Variants in CSMD3 observed in about 807,000 individuals in gnomAD.
The protein encoded by CSMD3 is CUB and sushi domain-containing protein 3.
Under a neutral mutation model 435.2 loss-of-function variants are expected in CSMD3, and 177 were observed. The observed-to-expected ratio is 0.41, with a 90% CI of 0.36 to 0.46. CSMD3 has a LOEUF of 0.46. Among genes scored for constraint, CSMD3 ranks in the 20% least tolerant of loss-of-function variants. The pLI is 0.34. For missense variants in CSMD3, 4,265 were observed against 4,504.6 expected, an observed-to-expected ratio of 0.95 and a Z score of 1.52; for synonymous variants, 1,656 against 1,520.5, an observed-to-expected ratio of 1.09 and a Z score of -2.07.
chr8:112,312,036 C>T (rs531455544), intron 49 of CSMD3, among the ~76,000 whole-genome samples: 50 of 152,104 alleles, frequency 3.3e-4, no homozygotes, highest in Admixed American at 7.2e-4. Context: ...ATAATAAGAA[C>T]AAGGATTGGT....
chr8:112,351,668 T>C (rs1758409399), intron 39 of CSMD3, among the ~76,000 whole-genome samples: 1 of 151,968 alleles, frequency 6.6e-6, no homozygotes, highest in Non-Finnish European at 1.5e-5. Context: ...TCAAAGTATA[T>C]TAACTTTTAT....
intron 27 of CSMD3, among the ~76,000 whole-genome samples, chr8:112,532,652 T>C (rs1825650344): frequency 1.3e-5 from 2 of 152,024 alleles, no homozygotes; most frequent in African/African-American, 4.8e-5. Context: ...ACAAACAAAG[T>C]TAAGAGTCTT....
chr8:112,699,331 C>G (rs747873591), intron 13 of CSMD3, among the ~76,000 whole-genome samples: 2 of 152,140 alleles, frequency 1.3e-5, no homozygotes, highest in Non-Finnish European at 2.9e-5. Context: ...AAACTCCAAA[C>G]ACACCATCTT....
intron 1 of CSMD3, among the ~76,000 whole-genome samples, chr8:113,343,980 T>C (rs568709882): frequency 6.6e-6 from 1 of 152,138 alleles, no homozygotes; most frequent in Non-Finnish European, 1.5e-5. Context: ...TACTGTAAAT[T>C]TATATTTAAA....
At chr8:112,671,110 G>A (rs2075645418) in intron 16 of CSMD3, among the ~76,000 whole-genome samples, 1 of 152,060 alleles carries the variant, frequency 6.6e-6, no homozygotes, top group Admixed American at 6.6e-5. Context: ...CTAGGTTTTA[G>A]TGGAAAAATA....
intron 38 of CSMD3, among the ~76,000 whole-genome samples, chr8:112,365,174 CA>C (rs1192596918): frequency 1.3e-5 from 2 of 152,126 alleles, no homozygotes; most frequent in South Asian, 2.1e-4. Context: ...CTATGTCTCC[CA>C]AAGTTGCCAA....
rs1344054794 is a variant in CSMD3 at position 113,195,814 on chromosome 8, T to TATAC, written c.515-21899_515-21898insGTAT. ...TTTTATATATATATATATATATATA[T>TATAC]ACACACACACACACACACACACACA... On this transcript the variant is annotated intron_variant, in intron 3 of 70. Coordinates refer to ENST00000297405, the MANE Select transcript of CSMD3 (RefSeq NM_198123.2). Among the ~76,000 whole-genome samples, 957 of 133,360 alleles carry TATAC rather than the reference T, an allele frequency of 7.2e-3. 8 individuals are homozygous for TATAC. Among genetic ancestry groups the TATAC allele is most frequent in the East Asian group, 0.028 (134 of 4,766 alleles). The allele number at this position is 133,360 out of a possible 152,430, so 87.5% of individuals were successfully genotyped here.
chr8:113,410,933 G>A (rs75080271), intron 1 of CSMD3, among the ~76,000 whole-genome samples: 18 of 135,290 alleles, frequency 1.3e-4, no homozygotes, highest in African/African-American at 4.8e-4. Flanking sequence ...AAGAAAGAAA[G>A]AAAGAAAGAA....
intron 59 of CSMD3, 88 bp downstream of exon 59, chr8:112,281,086 T>C: frequency 9.8e-7 from 1 of 1,021,178 alleles, no homozygotes; most frequent in Non-Finnish European, 1.5e-6. Context: ...TACATGGTTT[T>C]ATTAATTACA....
chr8:112,836,115 G>A (rs962249262), intron 11 of CSMD3, among the ~76,000 whole-genome samples: 4 of 151,850 alleles, frequency 2.6e-5, no homozygotes, highest in Admixed American at 6.6e-5. Flanking sequence ...AGAAGCCAGT[G>A]TATCACTTAG....
intron 10 of CSMD3, among the ~76,000 whole-genome samples, chr8:112,876,112 C>G (rs1375616248): frequency 6.6e-6 from 1 of 151,916 alleles, no homozygotes; most frequent in East Asian, 1.9e-4. Context: ...CACATACACC[C>G]TCTTAAAATA....
Position 112,318,865 on chromosome 8 carries a change from C to T in CSMD3, c.7332G>A (p.Gln2444=), listed in dbSNP as rs1215589843. ...ILTCRLGERL[Q]MDGAPPVCQV... ...GACAAACTGGAGGTGCTCCATCCATCTGCAGTCGTTCTCCTAATCTGCACG... is the reference window on the plus strand; with the variant it reads ...GACAAACTGGAGGTGCTCCATCCATTTGCAGTCGTTCTCCTAATCTGCACG... The change falls in exon 47 of 71, where the codon CAG becomes CAA. Residue 2444 remains glutamine (Q), a synonymous_variant. Transcript: ENST00000297405. 6.2e-7 allele frequency: 1 copy of T among 1,612,296 alleles called. No individual in the cohort carries two copies. Among genetic ancestry groups the T allele is most frequent in the Non-Finnish European group, 8.5e-7 (1 of 1,179,104 alleles).
intron 1 of CSMD3, among the ~76,000 whole-genome samples, chr8:113,395,798 T>A (rs1199881069): frequency 2.0e-5 from 3 of 152,200 alleles, no homozygotes; most frequent in African/African-American, 7.2e-5. Flanking sequence ...GTACCTTTGC[T>A]AAATAAACGT....
At chr8:112,988,260 C>A (rs2085326038) in intron 6 of CSMD3, among the ~76,000 whole-genome samples, 1 of 152,020 alleles carries the variant, frequency 6.6e-6, no homozygotes, top group Non-Finnish European at 1.5e-5. Flanking sequence ...ATGATAGGGG[C>A]TTTCAAATGT....
At chr8:113,192,656 T>C (rs2092602344) in intron 3 of CSMD3, among the ~76,000 whole-genome samples, 1 of 151,628 alleles carries the variant, frequency 6.6e-6, no homozygotes, top group Non-Finnish European at 1.5e-5. Flanking sequence ...TATCGAGTAT[T>C]TCATATACAT....
chr8:112,426,723 A>G (rs903317944), intron 32 of CSMD3, among the ~76,000 whole-genome samples: 1 of 152,162 alleles, frequency 6.6e-6, no homozygotes, highest in African/African-American at 2.4e-5. Flanking sequence ...TTATTGCACT[A>G]TTTTGAAATT....
Position 113,170,768 on chromosome 8 carries a change from T to C in CSMD3, c.709+2954A>G, listed in dbSNP as rs554650238. 2.6e-5 allele frequency among the ~76,000 whole-genome samples: 4 copies of C among 152,220 alleles called. No individual in the cohort carries two copies. In the South Asian group the frequency reaches 6.2e-4, roughly 24 times the overall value. On this transcript the variant is annotated intron_variant, in intron 4 of 70. Transcript: ENST00000297405. Reference sequence around the variant, plus strand: ...TTGCAGAAGGAAGGCCCTTAATAAATACATACAAATCAGTAAATTTATTCA... The same window carrying C: ...TTGCAGAAGGAAGGCCCTTAATAAACACATACAAATCAGTAAATTTATTCA...
chr8:112,232,034 T>C (rs1813136078), intron 68 of CSMD3, among the ~76,000 whole-genome samples: 1 of 152,198 alleles, frequency 6.6e-6, no homozygotes, highest in Admixed American at 6.5e-5. Context: ...CTCATTTAGT[T>C]GGGCTTGGTC....
chr8:113,138,280 T>C (rs1175581234), intron 4 of CSMD3, among the ~76,000 whole-genome samples: 2 of 151,390 alleles, frequency 1.3e-5, no homozygotes, highest in Non-Finnish European at 3.0e-5. Context: ...TATTTGAGGG[T>C]CAGTGTCACT....
Sources: allele counts gnomAD v4.1 joint callset (sites outside exome capture counted in the v4.1 genomes callset), GRCh38; gene constraint gnomAD v4.1.1; transcripts MANE v1.5; gene names NCBI Gene and HGNC (gene_info 2026-07-23, HGNC 2026-07-21).